CHN2: variants seen among roughly 807,000 people sequenced by gnomAD.
CHN2 encodes beta-chimaerin.
Under a neutral mutation model 56.3 loss-of-function variants are expected in CHN2, and 35 were observed. That is an observed-to-expected ratio of 0.62 (90% CI 0.47 to 0.82). CHN2 has a LOEUF of 0.82. Ranked by LOEUF, CHN2 falls within the 40% of genes least tolerant of loss-of-function variation. The pLI, the probability that CHN2 is intolerant of heterozygous loss-of-function variation, is 0.00. For missense variants in CHN2, 491 were observed against 580.5 expected, an observed-to-expected ratio of 0.85 and a Z score of 1.58; for synonymous variants, 210 against 212.8, an observed-to-expected ratio of 0.99 and a Z score of 0.12.
chr7:29,158,101 C>T (rs1794671723), intron 2 of CHN2, among the ~76,000 whole-genome samples: 1 of 152,110 alleles, frequency 6.6e-6, no homozygotes, highest in Non-Finnish European at 1.5e-5. Flanking sequence ...TCCAAATTCC[C>T]ATCTCCACTG....
intron 6 of CHN2, among the ~76,000 whole-genome samples, chr7:29,443,264 A>T (rs192877661): frequency 2.6e-5 from 4 of 151,952 alleles, no homozygotes; most frequent in Non-Finnish European, 5.9e-5. Flanking sequence ...TTCTAACTGA[A>T]ATAGAACTGA....
chr7:29,365,423 C>G (rs1799074981), intron 2 of CHN2, among the ~76,000 whole-genome samples: 1 of 152,138 alleles, frequency 6.6e-6, no homozygotes, highest in Non-Finnish European at 1.5e-5. Context: ...AAATACAGAA[C>G]TATAGTTGTT....
chr7:29,195,314 G>A (rs746762839), intron 1 of CHN2: 45 of 319,958 alleles, frequency 1.4e-4, no homozygotes, highest in Admixed American at 1.0e-4. Context: ...TGGAGCGGGG[G>A]CTGGCGGGGC....
At chr7:29,343,511 C>A (rs567575717) in intron 1 of CHN2, among the ~76,000 whole-genome samples, 4 of 152,252 alleles carry the variant, frequency 2.6e-5, no homozygotes, top group African/African-American at 9.6e-5. Flanking sequence ...TGGCTTCCAC[C>A]CATACCCCAT....
At position 29,406,380 on chromosome 7, in the gene CHN2, C is replaced by T. The variant is rs894861765; in HGVS notation, c.576+5552C>T. 9.9e-5 allele frequency among the ~76,000 whole-genome samples: 15 copies of T among 152,122 alleles called. 1 individual carries two copies. Among genetic ancestry groups the T allele is most frequent in the African/African-American group, 2.7e-4 (11 of 41,420 alleles). Reference sequence around the variant, plus strand: ...GGAATTGAAGTGGGAGTGTTTAACGCATCACCTCCTGTCCCCTCTTGGTTG... The same window carrying T: ...GGAATTGAAGTGGGAGTGTTTAACGTATCACCTCCTGTCCCCTCTTGGTTG... On this transcript the variant is annotated intron_variant, in intron 6 of 12. Coordinates refer to ENST00000222792, the MANE Select transcript of CHN2 (RefSeq NM_004067.4).
chr7:29,403,815 T>A (rs1318330207), intron 6 of CHN2, among the ~76,000 whole-genome samples: 1 of 152,234 alleles, frequency 6.6e-6, no homozygotes, highest in Admixed American at 6.5e-5. Flanking sequence ...GTGTCATTTC[T>A]TCTATGAAAC....
intron 1 of CHN2, among the ~76,000 whole-genome samples, chr7:29,329,977 T>C (rs1302209436): frequency 1.3e-5 from 2 of 152,206 alleles, no homozygotes; most frequent in Non-Finnish European, 2.9e-5. Context: ...TATTTTCATG[T>C]GCTTGTTAAT....
chr7:29,468,487 A>T (rs1785758195), intron 6 of CHN2, among the ~76,000 whole-genome samples: 1 of 152,048 alleles, frequency 6.6e-6, no homozygotes, highest in Admixed American at 6.5e-5. Context: ...ACTCTTTATT[A>T]TGTGGGGTGT....
Position 29,498,294 on chromosome 7 carries a change from A to G in CHN2, c.740-1573A>G, listed in dbSNP as rs550388014. Reference sequence around the variant, plus strand: ...ATGCCAGGAGGTAGGTGCTATTATGATCTTCTATAGAAGAGGATTCAACAG... The same window carrying G: ...ATGCCAGGAGGTAGGTGCTATTATGGTCTTCTATAGAAGAGGATTCAACAG... On this transcript the variant is annotated intron_variant, in intron 8 of 12. Coordinates refer to ENST00000222792, the MANE Select transcript of CHN2 (RefSeq NM_004067.4). Among the ~76,000 whole-genome samples, 5 of 152,346 alleles carry G rather than the reference A, an allele frequency of 3.3e-5. No individual in the cohort carries two copies. The South Asian group carries it at 1.0e-3, about 32-fold the overall frequency.
intron 2 of CHN2, among the ~76,000 whole-genome samples, chr7:29,171,356 G>A (rs1742443714): frequency 6.6e-6 from 1 of 152,170 alleles, no homozygotes; most frequent in African/African-American, 2.4e-5. Flanking sequence ...ATTCTGTGGG[G>A]ATACAAACCA....
At chr7:29,457,944 C>T (rs1463897735) in intron 6 of CHN2, among the ~76,000 whole-genome samples, 1 of 152,132 alleles carries the variant, frequency 6.6e-6, no homozygotes, top group African/African-American at 2.4e-5. Context: ...TGAATTAGCA[C>T]ATATTTTTAA....
intron 1 of CHN2, among the ~76,000 whole-genome samples, chr7:29,310,540 A>G (rs1055324254): frequency 6.6e-6 from 1 of 152,232 alleles, no homozygotes; most frequent in African/African-American, 2.4e-5. Flanking sequence ...TATTTAATAC[A>G]TATTTGTTTT....
rs1013114493 is a variant in CHN2 at position 29,250,155 on chromosome 7, G to A, written c.49+55165G>A. On this transcript the variant is annotated intron_variant, in intron 1 of 12. Coordinates refer to ENST00000222792, the MANE Select transcript of CHN2 (RefSeq NM_004067.4). ...TTCTATTAACAGGCATAATGTCATG[G>A]CACTCCCTGGGATGAAAGAAAGAGA... is the stretch of plus-strand genomic sequence containing the variant. Among the ~76,000 whole-genome samples, 4 of 152,196 alleles carry A rather than the reference G, an allele frequency of 2.6e-5. No individual in the cohort carries two copies. The East Asian group carries it at 7.7e-4, about 29-fold the overall frequency.
At chr7:29,288,055 G>A (rs555328496) in intron 1 of CHN2, among the ~76,000 whole-genome samples, 1 of 152,046 alleles carries the variant, frequency 6.6e-6, no homozygotes, top group Admixed American at 6.5e-5. Flanking sequence ...ATGACAATAT[G>A]AAAAAATAAA....
chr7:29,317,338 A>G (rs16874975), intron 1 of CHN2, among the ~76,000 whole-genome samples: 1 of 152,168 alleles, frequency 6.6e-6, no homozygotes, highest in Admixed American at 6.5e-5. Context: ...GTGGAAAAAA[A>G]ATCAACATAT....
chr7:29,470,659 T>C (rs1352503751), intron 6 of CHN2, among the ~76,000 whole-genome samples: 1 of 152,220 alleles, frequency 6.6e-6, no homozygotes. Context: ...TCTGTAGTGC[T>C]GCTTTGCAAA....
At chr7:29,151,311 G>A (rs145568443) in intron 2 of CHN2, among the ~76,000 whole-genome samples, 4 of 152,186 alleles carry the variant, frequency 2.6e-5, no homozygotes, top group Admixed American at 2.0e-4. Context: ...ATTAATCTAC[G>A]TCTTTTGTAA....
Position 29,487,206 on chromosome 7 carries a change from G to GTT in CHN2, c.654+6859_654+6860dup, listed in dbSNP as rs11397455. 1.4e-3 allele frequency among the ~76,000 whole-genome samples: 207 copies of GTT among 149,040 alleles called. 5 individuals are homozygous for GTT. In the South Asian group the frequency reaches 0.023, roughly 16 times the overall value. The stretch of plus-strand genomic sequence containing the variant: ...TTCAGAATGGTTGGGGGCTTGTTTT[G>GTT]TTTTTTTTTTGTTTGTTTGTTTTGT... On this transcript the variant is annotated intron_variant, in intron 7 of 12. Coordinates refer to ENST00000222792, the MANE Select transcript of CHN2 (RefSeq NM_004067.4).
At chr7:29,246,106 G>T (rs1232563503) in intron 1 of CHN2, among the ~76,000 whole-genome samples, 1 of 152,144 alleles carries the variant, frequency 6.6e-6, no homozygotes, top group Non-Finnish European at 1.5e-5. Context: ...AGCATACCAA[G>T]GAAGTTGTGT....
Sources: gnomAD v4.1 joint callset for allele counts (sites outside exome capture counted in the v4.1 genomes callset) on GRCh38, gnomAD v4.1.1 for gene constraint, MANE v1.5 for transcripts, NCBI Gene and HGNC (gene_info 2026-07-23, HGNC 2026-07-21) for gene names.